FLNA: variants seen among roughly 807,000 people sequenced by gnomAD.
FLNA encodes the protein filamin A.
A neutral mutation model predicts 157.6 loss-of-function variants in FLNA; 7 were observed. The ratio of observed to expected loss-of-function variants is 0.04; its 90% CI spans 0.03 to 0.08. The LOEUF (loss-of-function observed/expected upper bound fraction) is 0.08. Ranked by LOEUF, FLNA falls within the 10% of genes least tolerant of loss-of-function variation. FLNA has a pLI of 1.00. For missense variants in FLNA, 1,750 were observed against 2,398.4 expected, an observed-to-expected ratio of 0.73 and a Z score of 5.65; for synonymous variants, 1,103 against 1,060.8, an observed-to-expected ratio of 1.04 and a Z score of -0.77.
At position 154,360,458 on chromosome X, in the gene FLNA, C is replaced by T. The variant is rs1222602089; in HGVS notation, c.3337G>A (p.Glu1113Lys). The change falls in exon 22 of 48, where the codon GAG (glutamate) becomes AAG (lysine). Residue 1113 changes from glutamate to lysine, a missense_variant. Around this residue, in one of 5 missense-constraint regions of FLNA, gnomAD observed 648 missense variants for 805.8 expected, o/e 0.80. Coordinates refer to ENST00000369850, the MANE Select transcript of FLNA (RefSeq NM_001110556.2). ...TVEGPCEAQLECLDNGDGTCS... is the reference protein window; with the variant it reads ...TVEGPCEAQLKCLDNGDGTCS... ...GTGCCATCCCCATTGTCCAAGCACT[C>T]GAGCTGCGCCTCACAGGGGCCCTCC... The T allele has an allele frequency of 2.5e-6, 3 of 1,211,599 alleles. No homozygotes were observed. Among genetic ancestry groups the T allele is most frequent in the East Asian group, 3.0e-5 (1 of 33,865 alleles).
At chrX:154,370,000 A>T (rs1273747540) in intron 2 of FLNA, among the ~76,000 whole-genome samples, 2 of 111,450 alleles carry the variant, frequency 1.8e-5, no homozygotes, top group Admixed American at 1.9e-4. Context: ...CGAGTCACCC[A>T]TTCTGGGGCC....
At position 154,361,722 on chromosome X, in the gene FLNA, T is replaced by G; in HGVS notation, c.2892A>C (p.Ala964=). ...DPIPKSPFSV[A]VSPSLDLSKI... ...TGCTGAGGTCCAGGCTTGGAGATAC[T>G]GCCACTGAGAAAGGGCTCTTAGGGA... The change falls in exon 20 of 48, where the codon GCA becomes GCC. Residue 964 remains alanine (A), a synonymous_variant. Transcript: ENST00000369850. 8.3e-7 allele frequency: 1 copy of G among 1,211,031 alleles called. No homozygotes were observed. Among genetic ancestry groups the G allele is most frequent in the East Asian group, 3.0e-5 (1 of 33,846 alleles).
Position 154,362,076 on chromosome X carries a change from T to C in FLNA, c.2729A>G (p.Gln910Arg). ...KAAGKGKLDVQFSGLTKGDAV... is the reference protein window; with the variant it reads ...KAAGKGKLDVRFSGLTKGDAV... Reference sequence around the variant, plus strand: ...ATCCCCCTTGGTGAGTCCTGAGAACTGGACGTCCAGCTTGCCTTTGCCAGC... The same window carrying C: ...ATCCCCCTTGGTGAGTCCTGAGAACCGGACGTCCAGCTTGCCTTTGCCAGC... The change falls in exon 19 of 48, where the codon CAG becomes CGG. Residue 910 changes from glutamine to arginine, a missense_variant. Physicochemically the swap from Gln to Arg is conservative, Grantham distance 43. This residue lies in a region of FLNA where 648 missense variants were observed against 805.8 expected (regional missense o/e 0.80). Transcript: ENST00000369850. 1 of 1,211,012 alleles carries C rather than the reference T, an allele frequency of 8.3e-7. No homozygotes were observed. Among genetic ancestry groups the C allele is most frequent in the Non-Finnish European group, 1.1e-6 (1 of 894,909 alleles).
chrX:154,365,942 C>G, intron 9 of FLNA, 82 bp downstream of exon 9: 4 of 969,784 alleles, frequency 4.1e-6, no homozygotes, highest in Non-Finnish European at 5.6e-6. Flanking sequence ...CGGGCTGCAG[C>G]GGGACTGGCC....
Position 154,371,845 on chromosome X carries a change from C to T in FLNA, c.-116-484G>A, listed in dbSNP as rs782561741. On this transcript the variant is annotated intron_variant, in intron 1 of 47. Transcript: ENST00000369850. ...AGGGTTCCCCGGCGGCATCCCCGTC[C>T]GCCGGCCCGGCAGCGGCGGGAAGGG... Among the ~76,000 whole-genome samples, 49 of 113,568 alleles carry T rather than the reference C, an allele frequency of 4.3e-4. No homozygotes were observed. The East Asian group carries it at 5.6e-3, about 13-fold the overall frequency.
rs782037353 is a variant in FLNA at position 154,357,570 on chromosome X, C to T, written c.4809G>A (p.Thr1603=). 4 of 1,210,966 alleles carry T rather than the reference C, an allele frequency of 3.3e-6. No homozygotes were observed. Among genetic ancestry groups the T allele is most frequent in the East Asian group, 3.0e-5 (1 of 33,781 alleles). ...CGTCTGGCACGTAGGCCACTGTATA[C>T]GTGCCGTCATGGTTGTCTTGGATGT... The part of the protein sequence containing the change: ...KTHIQDNHDG[T]YTVAYVPDVT... The change falls in exon 29 of 48, where the codon ACG becomes ACA. Residue 1603 remains threonine (T), a synonymous_variant. Transcript: ENST00000369850.
At chrX:154,367,262 G>T in intron 5 of FLNA, 135 bp downstream of exon 5, 1 of 664,933 alleles carries the variant, frequency 1.5e-6, no homozygotes, top group Non-Finnish European at 2.3e-6. Context: ...ACCCACTCTT[G>T]TCTGACTCTT....
chrX:154,372,945 C>T (rs1229561551), intron 1 of FLNA, among the ~76,000 whole-genome samples: 1 of 111,987 alleles, frequency 8.9e-6, no homozygotes, highest in East Asian at 2.8e-4. Context: ...CAGCCTGTGG[C>T]CCCACTGGTT....
At position 154,354,211 on chromosome X, in the gene FLNA, C is replaced by A. The variant is rs1557176404; in HGVS notation, c.5497G>T (p.Ala1833Ser). 9.9e-6 allele frequency: 12 copies of A among 1,211,680 alleles called. No individual in the cohort carries two copies. The highest frequency in any genetic ancestry group is 1.3e-5 in the Non-Finnish European group (12 of 895,561). ...TCGTGCAGGCCAGCCTCGCTGGGTGCATACCGCACGGTCACGGTGCCGTCT... is the reference window on the plus strand; with the variant it reads ...TCGTGCAGGCCAGCCTCGCTGGGTGAATACCGCACGGTCACGGTGCCGTCT... ...NKDGTVTVRYAPSEAGLHEMD... is the reference protein window; with the variant it reads ...NKDGTVTVRYSPSEAGLHEMD... Residue 1833 changes from alanine (A) to serine (S), a missense_variant, in exon 34 of 48, where the codon GCA becomes TCA. Coordinates refer to ENST00000369850, the MANE Select transcript of FLNA (RefSeq NM_001110556.2).
At position 154,351,572 on chromosome X, in the gene FLNA, G is replaced by C; in HGVS notation, c.7023+9C>G. On this transcript the variant is annotated intron_variant, in intron 43 of 47. Coordinates refer to ENST00000369850, the MANE Select transcript of FLNA (RefSeq NM_001110556.2). The stretch of plus-strand genomic sequence containing the variant: ...AGCCCCAGGTGGGCGGTTTCTCTCG[G>C]TGCCTCACCTGAAGGCTAGAAACAG... 8.5e-7 allele frequency: 1 copy of C among 1,172,039 alleles called. No homozygotes were observed. The highest frequency in any genetic ancestry group is 1.2e-6 in the Non-Finnish European group (1 of 859,833).
At position 154,349,630 on chromosome X, in the gene FLNA, A is replaced by G; in HGVS notation, c.7552+19T>C. 8.3e-7 allele frequency: 1 copy of G among 1,209,986 alleles called. No homozygotes were observed. The highest frequency in any genetic ancestry group is 1.1e-6 in the Non-Finnish European group (1 of 893,552). ...TGCCGGGCGTTGGGCAGATGCCAAT[A>G]GCTTGGCCCCAGGCTCACCTGTGAC... On this transcript the variant is annotated intron_variant, in intron 46 of 47. Transcript: ENST00000369850.
chrX:154,361,539 T>C lies in FLNA; in HGVS notation c.2976A>G (p.Thr992=), dbSNP rs1557178043. Residue 992 remains threonine (T), a synonymous_variant, in exon 21 of 48, where the codon ACA becomes ACG. Coordinates refer to ENST00000369850, the MANE Select transcript of FLNA (RefSeq NM_001110556.2). ...KVDVGKDQEF[T]VKSKGAGGQG... is the part of the protein sequence containing the mutation. ...GACCACCAGCACCCTTTGATTTGAC[T>C]GTGAACTCCTGGTCTTTGCCAACGT... The C allele has an allele frequency of 9.1e-6, 11 of 1,211,450 alleles. No homozygotes were observed. Among genetic ancestry groups the C allele is most frequent in the Non-Finnish European group, 1.1e-5 (10 of 895,361 alleles).
In FLNA at chrX:154,353,113, C is replaced by T. The variant is rs1186315583; in HGVS notation, c.6114G>A (p.Val2038=). Residue 2038 remains valine, a synonymous_variant, in exon 38 of 48, where the codon GTG becomes GTA. Coordinates refer to ENST00000369850, the MANE Select transcript of FLNA (RefSeq NM_001110556.2). ...QHVASSPIPV[V]ISQSEIGDAS... ...CATCCCCAATTTCCGACTGGCTGAT[C>T]ACCACCGGGATGGGGCTGCTGGCCA... The T allele has an allele frequency of 8.3e-7, 1 of 1,210,084 alleles. No homozygotes were observed. The highest frequency in any genetic ancestry group is 1.1e-6 in the Non-Finnish European group (1 of 895,182).
chrX:154,371,226 C>T lies in FLNA; in HGVS notation c.20G>A (p.Arg7Gln), dbSNP rs781814342. The part of the protein sequence containing the change: MSSSHS[R>Q]AGQSAAGAAP... The stretch of plus-strand genomic sequence containing the variant: ...CGCGCCTGCTGCGCTCTGGCCCGCC[C>T]GAGAGTGGGAGCTACTCATTTTGAG... Residue 7 changes from arginine to glutamine, a missense_variant, in exon 2 of 48, where the codon CGG becomes CAG. Arg to Gln is a conservative substitution (Grantham distance 43). Transcript: ENST00000369850. 7.5e-6 allele frequency: 9 copies of T among 1,201,166 alleles called. No homozygotes were observed. The highest frequency in any genetic ancestry group is 1.0e-5 in the Non-Finnish European group (9 of 891,398).
chrX:154,352,593 G>A lies in FLNA; in HGVS notation c.6462C>T (p.Ala2154=). 3 of 1,211,392 alleles carry A rather than the reference G, an allele frequency of 2.5e-6. No individual in the cohort carries two copies. The highest frequency in any genetic ancestry group is 3.4e-6 in the Non-Finnish European group (3 of 895,426). ...TGAGGTCACAATGACTACCAACGTT[G>A]GCCACTGAAGGAGCCCGACGCCTGC... ...ITRRRRAPSV[A]NVGSHCDLSL... is the part of the protein sequence containing the mutation. The change falls in exon 40 of 48, where the codon GCC becomes GCT. Residue 2154 remains alanine (A), a synonymous_variant. Coordinates refer to ENST00000369850, the MANE Select transcript of FLNA (RefSeq NM_001110556.2).
chrX:154,369,720 C>A (rs1180572147), intron 2 of FLNA, among the ~76,000 whole-genome samples: 1 of 111,918 alleles, frequency 8.9e-6, no homozygotes, highest in Non-Finnish European at 1.9e-5. Context: ...GCCCCCCCTA[C>A]CATCCAGGAC....
Position 154,365,888 on chromosome X carries a change from C to T in FLNA, c.1429+136G>A, listed in dbSNP as rs782626035. The T allele has an allele frequency of 4.3e-4, 221 of 516,280 alleles. 3 individuals are homozygous for T. In the East Asian group the frequency reaches 7.8e-3, roughly 18 times the overall value. The allele number at this position is 516,280 out of a possible 1,213,427, so 42.5% of individuals were successfully genotyped here. A position where few individuals can be genotyped will look rare whatever the true frequency, so the allele number is the denominator to read the frequency against. On this transcript the variant is annotated intron_variant, in intron 9 of 47. Coordinates refer to ENST00000369850, the MANE Select transcript of FLNA (RefSeq NM_001110556.2). Reference sequence around the variant, plus strand: ...GGCCCCAGCAGGGGAGGAAAAACAGCATGTGCCCAGACAGTAGAAGCTCAA... The same window carrying T: ...GGCCCCAGCAGGGGAGGAAAAACAGTATGTGCCCAGACAGTAGAAGCTCAA...
intron 1 of FLNA, among the ~76,000 whole-genome samples, chrX:154,374,272 G>A (rs1255091991): frequency 8.9e-6 from 1 of 112,705 alleles, no homozygotes; most frequent in Non-Finnish European, 1.9e-5. Flanking sequence ...TCCCACATTC[G>A]TGGGCACAGA....
intron 30 of FLNA, among the ~76,000 whole-genome samples, chrX:154,355,831 G>C (rs1557176766): frequency 8.9e-6 from 1 of 112,913 alleles, no homozygotes; most frequent in South Asian, 3.6e-4. Flanking sequence ...GTGACGTTAT[G>C]ATCTGGGTCT....
Sources: gnomAD v4.1 joint callset for allele counts (sites outside exome capture counted in the v4.1 genomes callset) on GRCh38, gnomAD v4.1.1 for gene constraint, gnomAD v4.1.1 regional missense constraint, MANE v1.5 for transcripts, NCBI Gene and HGNC (gene_info 2026-07-23, HGNC 2026-07-21) for gene names.